CYP2E1: variants seen among roughly 807,000 people sequenced by gnomAD.
CYP2E1 encodes the protein cytochrome P450 2E1.
In CYP2E1, 31 loss-of-function variants were observed where a neutral mutation model predicts 42.9. The observed-to-expected ratio is 0.72, with a 90% confidence interval of 0.54 to 0.98. The LOEUF (loss-of-function observed/expected upper bound fraction) is 0.98. Among genes scored for constraint, CYP2E1 ranks in the 50% least tolerant of loss-of-function variants. The pLI, the probability that CYP2E1 is intolerant of heterozygous loss-of-function variation, is 0.00. For synonymous variants in CYP2E1, 244 were observed against 248.9 expected (o/e 0.98, Z 0.19); for missense variants, 565 against 633.2 (o/e 0.89, Z 1.16).
chr10:133,529,607 T>G (rs1004021409), intron 2 of CYP2E1, among the ~76,000 whole-genome samples: 8 of 152,260 alleles, frequency 5.3e-5, no homozygotes, highest in African/African-American at 1.9e-4. Context: ...CTGAACATTG[T>G]GAACGTCGAA....
At chr10:133,536,029 A>G (rs1851390562) in intron 6 of CYP2E1, among the ~76,000 whole-genome samples, 1 of 152,212 alleles carries the variant, frequency 6.6e-6, no homozygotes, top group Admixed American at 6.5e-5. Flanking sequence ...TCAGAAAGAC[A>G]GAGGCTTTCA....
rs774878128 is a variant in CYP2E1 at position 133,533,827 on chromosome 10, G to T, written c.897G>T (p.Ala299=). 1 of 1,614,026 alleles carries T rather than the reference G, an allele frequency of 6.2e-7. No individual in the cohort carries two copies. The highest frequency in any genetic ancestry group is 8.5e-7 in the Non-Finnish European group (1 of 1,180,006). The change falls in exon 6 of 9, where the codon GCG becomes GCT. Residue 299 remains alanine, a synonymous_variant. Transcript: ENST00000252945. ...TGACTGTGGCCGACCTGTTCTTTGC[G>T]GGGACAGAGACCACCAGCACAACTC... ...ITVTVADLFF[A]GTETTSTTLR...
At position 133,528,586 on chromosome 10, in the gene CYP2E1, G is replaced by T; in HGVS notation, c.283G>T (p.Asp95Tyr). Residue 95 changes from aspartate to tyrosine, a missense_variant, in exon 2 of 9, where the codon GAC (aspartate) becomes TAC (tyrosine). Physicochemically the swap from Asp to Tyr is radical, Grantham distance 160. Coordinates refer to ENST00000252945, the MANE Select transcript of CYP2E1 (RefSeq NM_000773.4). The stretch of plus-strand genomic sequence containing the variant: ...GAAGGAAGCGCTGCTGGACTACAAG[G>T]ACGAGTTCTCGGGCAGAGGCGACCT... ...AVKEALLDYKDEFSGRGDLPA... is the reference protein window; with the variant it reads ...AVKEALLDYKYEFSGRGDLPA... 1 of 1,613,568 alleles carries T rather than the reference G, an allele frequency of 6.2e-7. No individual in the cohort carries two copies. The highest frequency in any genetic ancestry group is 1.1e-5 in the South Asian group (1 of 91,080).
chr10:133,534,795 A>G (rs1851378084), intron 6 of CYP2E1, among the ~76,000 whole-genome samples: 1 of 152,106 alleles, frequency 6.6e-6, no homozygotes, highest in Middle Eastern at 3.4e-3. Context: ...AAGAAAGTCG[A>G]CATGTGATGG....
intron 8 of CYP2E1, among the ~76,000 whole-genome samples, 163 bp from the exon 9 acceptor site, chr10:133,538,617 G>C (rs1264302555): frequency 7.2e-5 from 11 of 152,112 alleles, no homozygotes; most frequent in African/African-American, 2.7e-4. Context: ...TTCCACTCAA[G>C]TACATTTTGT....
At chr10:133,532,621 G>A (rs1851352742) in intron 4 of CYP2E1, 71 bp from the exon 5 acceptor site, 5 of 1,345,246 alleles carry the variant, frequency 3.7e-6, no homozygotes, top group African/African-American at 1.5e-5. Context: ...TTTGGAGAAA[G>A]TTGTTGGTCC....
chr10:133,531,881 A>G, intron 3 of CYP2E1, 147 bp downstream of exon 3: 2 of 877,708 alleles, frequency 2.3e-6, no homozygotes, highest in South Asian at 1.8e-5. Flanking sequence ...TGCATTTTAC[A>G]ACTCTAGGTT....
chr10:133,533,686 G>C, intron 5 of CYP2E1, 70 bp from the exon 6 acceptor site: 1 of 1,553,680 alleles, frequency 6.4e-7, no homozygotes, highest in East Asian at 2.3e-5. Context: ...GTGGAGCTGG[G>C]AGGTGGCTGG....
intron 8 of CYP2E1, 73 bp downstream of exon 8, chr10:133,537,965 C>A: frequency 6.7e-7 from 1 of 1,483,220 alleles, no homozygotes; most frequent in Non-Finnish European, 9.2e-7. Flanking sequence ...CACATGTGCT[C>A]TGCCCTCGTC....
At chr10:133,527,991 A>C (rs933437265) in intron 1 of CYP2E1, 1 of 219,544 alleles carries the variant, frequency 4.6e-6, no homozygotes, top group Admixed American at 5.2e-5. Context: ...TGAATGGGCC[A>C]ACAAACCTAA....
chr10:133,530,814 C>G (rs552182952), intron 2 of CYP2E1, among the ~76,000 whole-genome samples: 1 of 152,256 alleles, frequency 6.6e-6, no homozygotes, highest in East Asian at 1.9e-4. Context: ...TGCAGGGGAA[C>G]AGGGATCATT....
At chr10:133,536,184 C>A (rs907968525) in intron 6 of CYP2E1, among the ~76,000 whole-genome samples, 2 of 152,160 alleles carry the variant, frequency 1.3e-5, no homozygotes, top group African/African-American at 4.8e-5. Context: ...TCATTATTCT[C>A]TGCTCTTGAC....
intron 2 of CYP2E1, among the ~76,000 whole-genome samples, chr10:133,529,959 T>C (rs1479050139): frequency 6.6e-6 from 1 of 152,154 alleles, no homozygotes; most frequent in South Asian, 2.1e-4. Context: ...TGGGGTTCTG[T>C]GGTTGAGGAG....
chr10:133,531,927 A>T, intron 3 of CYP2E1, 193 bp downstream of exon 3: 1 of 749,150 alleles, frequency 1.3e-6, no homozygotes, highest in Non-Finnish European at 2.1e-6. Flanking sequence ...GGTGGCCATT[A>T]AACACGTGAC....
chr10:133,537,318 G>A, intron 7 of CYP2E1, 68 bp downstream of exon 7: 2 of 1,536,790 alleles, frequency 1.3e-6, no homozygotes, highest in Non-Finnish European at 1.8e-6. Flanking sequence ...TCCTGCCAGG[G>A]AGCAGGATGG....
chr10:133,528,711 C>T (rs1402668285), intron 2 of CYP2E1, 71 bp downstream of exon 2: 5 of 1,563,744 alleles, frequency 3.2e-6, no homozygotes, highest in South Asian at 2.3e-5. Context: ...GCGCTAGCCA[C>T]GTCGGCGATG....
intron 2 of CYP2E1, 31 bp downstream of exon 2, chr10:133,528,671 G>A: frequency 3.1e-6 from 5 of 1,610,910 alleles, no homozygotes; most frequent in Non-Finnish European, 4.2e-6. Flanking sequence ...CGGAGCGGGG[G>A]GTGCATAACA....
At chr10:133,533,934 T>C in intron 6 of CYP2E1, 37 bp downstream of exon 6, 1 of 1,610,360 alleles carries the variant, frequency 6.2e-7, no homozygotes, top group Non-Finnish European at 8.5e-7. Flanking sequence ...TGCGTGCGGC[T>C]GCATCTCCCT....
intron 6 of CYP2E1, among the ~76,000 whole-genome samples, chr10:133,534,456 G>A (rs1253347865): frequency 2.6e-5 from 4 of 152,174 alleles, no homozygotes; most frequent in African/African-American, 9.7e-5. Context: ...CTGGGTCTAG[G>A]TGGGCAGAGG....
Sources: gnomAD v4.1 joint callset for allele counts (sites outside exome capture counted in the v4.1 genomes callset) on GRCh38, gnomAD v4.1.1 for gene constraint, MANE v1.5 for transcripts, NCBI Gene and HGNC (gene_info 2026-07-23, HGNC 2026-07-21) for gene names.